The following MCUB variants were observed in gnomAD, a reference collection of about 807,000 sequenced individuals.
MCUB encodes calcium uniporter regulatory subunit MCUb, mitochondrial.
Under a neutral mutation model 41.4 loss-of-function variants are expected in MCUB, and 46 were observed. The observed-to-expected ratio is 1.11, with a 90% confidence interval of 0.88 to 1.42. The LOEUF (loss-of-function observed/expected upper bound fraction) is 1.42. Among genes scored for constraint, MCUB ranks in the 40% most tolerant of loss-of-function variants. The pLI, the probability that MCUB is intolerant of heterozygous loss-of-function variation, is 0.00. For synonymous variants in MCUB, 148 were observed against 148.2 expected, an observed-to-expected ratio of 1.00 and a Z score of 0.01; for missense variants, 403 against 404.9, an observed-to-expected ratio of 1.00 and a Z score of 0.04.
rs1259009550 is a variant in MCUB, at chr4:109,683,558, G to T, written c.612+816G>T. Among the ~76,000 whole-genome samples, 3 of 152,100 alleles carry T rather than the reference G, an allele frequency of 2.0e-5. No homozygotes were observed. In the East Asian group the frequency reaches 5.8e-4, roughly 29 times the overall value. ...TTCTCCACACTTATGAATCATTTCA[G>T]ATTTCCTTTATCTGTGTACAAACAA... On this transcript the variant is annotated intron_variant, in intron 5 of 7. Coordinates refer to ENST00000394650, the MANE Select transcript of MCUB (RefSeq NM_017918.5).
chr4:109,603,191 C>G (rs898577295), intron 1 of MCUB, among the ~76,000 whole-genome samples: 21 of 152,226 alleles, frequency 1.4e-4, no homozygotes, highest in Admixed American at 1.0e-3. Flanking sequence ...ACTGCAACCT[C>G]CCTGCCTGAT....
rs1258068850 is a variant in MCUB, at chr4:109,597,974, C to A, written c.99+37538C>A. On this transcript the variant is annotated intron_variant, in intron 1 of 7. Coordinates refer to ENST00000394650, the MANE Select transcript of MCUB (RefSeq NM_017918.5). ...CCCAGATGGGGCGGCGGGGCAGAGG[C>A]GCTCCCCACATCTCAGACGATGGGC... 1.6e-3 allele frequency among the ~76,000 whole-genome samples: 243 copies of A among 148,600 alleles called. 3 individuals are homozygous for A. Among genetic ancestry groups the A allele is most frequent in the Middle Eastern group, 7.2e-3 (2 of 278 alleles).
rs1477302113 is a variant in MCUB at position 109,684,512 on chromosome 4, C to T, written c.682C>T (p.Leu228=). ...SGLLWAGLAL[L]SIQGGALAWL... ...ACTCCTGTGGGCTGGATTGGCACTG[C>T]TGTCCATTCAGGGTGGGGCACTGGC... The change falls in exon 6 of 8, where the codon CTG becomes TTG. Residue 228 remains leucine, a synonymous_variant. Transcript: ENST00000394650. 1 of 1,613,894 alleles carries T rather than the reference C, an allele frequency of 6.2e-7. No homozygotes were observed.
At chr4:109,681,453 CT>C (rs1364583378) in intron 4 of MCUB, 4 of 453,816 alleles carry the variant, frequency 8.8e-6, no homozygotes, top group Non-Finnish European at 1.8e-5. Flanking sequence ...ACCGGGGGTC[CT>C]TGCTCCCAGA....
chr4:109,645,405 C>A (rs575524828), intron 1 of MCUB, among the ~76,000 whole-genome samples: 1 of 145,780 alleles, frequency 6.9e-6, no homozygotes, highest in South Asian at 2.1e-4. Context: ...ACTGGCTTCC[C>A]CCACCAACCA....
At chr4:109,637,180 A>G (rs1418059934) in intron 1 of MCUB, among the ~76,000 whole-genome samples, 1 of 152,220 alleles carries the variant, frequency 6.6e-6, no homozygotes, top group East Asian at 1.9e-4. Flanking sequence ...GATACTCAGT[A>G]AAGTAAGGTC....
intron 3 of MCUB, among the ~76,000 whole-genome samples, chr4:109,662,138 G>T (rs549282891): frequency 1.3e-5 from 2 of 152,352 alleles, no homozygotes; most frequent in South Asian, 4.1e-4. Context: ...GTAGGTTGTT[G>T]TTAGGACTAT....
chr4:109,671,830 A>G (rs1342867985), intron 4 of MCUB, among the ~76,000 whole-genome samples: 2 of 152,174 alleles, frequency 1.3e-5, no homozygotes, highest in Non-Finnish European at 2.9e-5. Context: ...ATCAGGCAAT[A>G]GAAACTGAGC....
Position 109,560,415 on chromosome 4 carries a change from G to A in MCUB, c.78G>A (p.Trp26Ter), listed in dbSNP as rs745892302. 7.7e-7 allele frequency: 1 copy of A among 1,302,376 alleles called. No individual in the cohort carries two copies. Among genetic ancestry groups the A allele is most frequent in the South Asian group, 2.3e-5 (1 of 42,904 alleles). 80.7% of individuals were successfully genotyped at this position (1,302,376 alleles called of 1,614,324 possible). ...TPGTWRPARP[W>*]PLPPPPQVLR... Reference sequence around the variant, plus strand: ...GCACCTGGCGCCCAGCGCGCCCGTGGCCGCTGCCGCCTCCGCCCCAGGTAA... The same window carrying A: ...GCACCTGGCGCCCAGCGCGCCCGTGACCGCTGCCGCCTCCGCCCCAGGTAA... Residue 26 changes from tryptophan (W) to a stop codon, truncating the protein, a stop_gained, in exon 1 of 8, where the codon TGG (tryptophan) becomes TGA (stop). Coordinates refer to ENST00000394650, the MANE Select transcript of MCUB (RefSeq NM_017918.5). LOFTEE classifies it high-confidence loss of function.
At chr4:109,656,248 A>C (rs1458097611) in intron 1 of MCUB, among the ~76,000 whole-genome samples, 1 of 152,016 alleles carries the variant, frequency 6.6e-6, no homozygotes, top group Non-Finnish European at 1.5e-5. Context: ...AACGTGTAGA[A>C]AAAAATCTGG....
intron 1 of MCUB, among the ~76,000 whole-genome samples, chr4:109,577,174 C>A (rs756383629): frequency 4.6e-5 from 7 of 152,140 alleles, no homozygotes; most frequent in Non-Finnish European, 1.0e-4. Flanking sequence ...TTTATGGTTC[C>A]TTTAATCATG....
At chr4:109,591,677 C>G (rs552402358) in intron 1 of MCUB, among the ~76,000 whole-genome samples, 1 of 152,148 alleles carries the variant, frequency 6.6e-6, no homozygotes, top group South Asian at 2.1e-4. Context: ...GTTGTTTCTC[C>G]ATCGTATTTT....
chr4:109,594,696 C>T (rs1161922221), intron 1 of MCUB, among the ~76,000 whole-genome samples: 3 of 151,082 alleles, frequency 2.0e-5, no homozygotes, highest in South Asian at 4.2e-4. Flanking sequence ...CTCAATAATC[C>T]CTGGAGAGAA....
At chr4:109,630,712 G>A (rs1347137569) in intron 1 of MCUB, among the ~76,000 whole-genome samples, 1 of 152,042 alleles carries the variant, frequency 6.6e-6, no homozygotes, top group East Asian at 1.9e-4. Flanking sequence ...CTCCCGAGTA[G>A]CTGGGATTAC....
At chr4:109,664,422 CTTTTT>C (rs11405576) in intron 4 of MCUB, 28 bp downstream of exon 4, 4 of 616,236 alleles carry the variant, frequency 6.5e-6, no homozygotes, top group Non-Finnish European at 1.1e-5. Context: ...CCAACTATTA[CTTTTT>C]TTTTTTTTTT....
chr4:109,664,204 C>G lies in MCUB; in HGVS notation c.347-86C>G, dbSNP rs62327695. ...TTGTCCACTATTATATTGTAAAGAC[C>G]TGGGTTAGTAATTTTCTATGTGTTG... On this transcript the variant is annotated intron_variant, in intron 3 of 7. Transcript: ENST00000394650. 5,940 of 733,616 alleles carry G rather than the reference C, an allele frequency of 8.1e-3. 52 individuals carry two copies. The highest frequency in any genetic ancestry group is 0.01 in the Admixed American group (509 of 49,076). 45.4% of individuals were successfully genotyped at this position (733,616 alleles called of 1,614,324 possible). A position where few individuals can be genotyped will look rare whatever the true frequency, so the allele number is the denominator to read the frequency against.
At chr4:109,560,458 T>TG (rs1262727533) in intron 1 of MCUB, 22 bp downstream of exon 1, 2 of 1,172,552 alleles carry the variant, frequency 1.7e-6, no homozygotes, top group Non-Finnish European at 1.1e-6. Flanking sequence ...TGCCGGGCTG[T>TG]GGGGGTTCGG....
At chr4:109,621,502 T>G (rs1405618153) in intron 1 of MCUB, among the ~76,000 whole-genome samples, 1 of 152,164 alleles carries the variant, frequency 6.6e-6, no homozygotes, top group African/African-American at 2.4e-5. Context: ...CACAGAAATG[T>G]TACAAGGTAG....
chr4:109,594,657 CAAA>C (rs34929729), intron 1 of MCUB, among the ~76,000 whole-genome samples: 1 of 143,186 alleles, frequency 7.0e-6, no homozygotes, highest in Non-Finnish European at 1.5e-5. Context: ...AGACTTGTCT[CAAA>C]AAAAAAAGGA....
Sources: allele counts gnomAD v4.1 joint callset (sites outside exome capture counted in the v4.1 genomes callset), GRCh38; gene constraint gnomAD v4.1.1; transcripts MANE v1.5; gene names NCBI Gene and HGNC (gene_info 2026-07-23, HGNC 2026-07-21).